TMEM17: variants seen among roughly 807,000 people sequenced by gnomAD.
The protein encoded by TMEM17 is transmembrane protein 17.
TMEM17 carries 15 observed loss-of-function variants against 19.1 expected under a neutral mutation model. The observed-to-expected ratio is 0.78, with a 90% CI of 0.52 to 1.21. The LOEUF is 1.21. TMEM17 is among the 50% of genes most tolerant of loss of function. The probability of loss-of-function intolerance (pLI) is 0.00; values close to 1 mark genes in which losing one functional copy is unlikely to be tolerated. For synonymous variants in TMEM17, 103 were observed against 86.9 expected, an observed-to-expected ratio of 1.19 and a Z score of -1.03; for missense variants, 245 against 242.3, an observed-to-expected ratio of 1.01 and a Z score of -0.07.
the TMEM17 span, among the ~76,000 whole-genome samples, chr2:62,485,156 G>A: frequency 6.6e-6 from 1 of 152,188 alleles, no homozygotes; most frequent in African/African-American, 2.4e-5. Flanking sequence ...GTGCAGGCTG[G>A]TCTTGAACTC....
the TMEM17 span, among the ~76,000 whole-genome samples, chr2:62,455,421 C>T: frequency 6.6e-5 from 10 of 152,186 alleles, no homozygotes; most frequent in Admixed American, 3.3e-4. Flanking sequence ...TTCATAGCTT[C>T]TGTTCTTATA....
chr2:62,505,397 T>C (rs1435387131), intron 1 of TMEM17, among the ~76,000 whole-genome samples: 2 of 152,206 alleles, frequency 1.3e-5, no homozygotes, highest in Admixed American at 6.5e-5. Flanking sequence ...GGGGTGAGTT[T>C]TGTTGAACGC....
At chr2:62,472,766 T>A in the TMEM17 span, among the ~76,000 whole-genome samples, 1 of 152,222 alleles carries the variant, frequency 6.6e-6, no homozygotes, top group South Asian at 2.1e-4. Flanking sequence ...AGAACTATGT[T>A]AGGCATAGTT....
the TMEM17 span, among the ~76,000 whole-genome samples, chr2:62,471,969 AT>A: frequency 1.3e-5 from 2 of 152,244 alleles, no homozygotes; most frequent in African/African-American, 2.4e-5. Flanking sequence ...AAGAACTCAG[AT>A]GCGGAGTCAA....
At chr2:62,505,595 C>T (rs1196858920) in intron 1 of TMEM17, among the ~76,000 whole-genome samples, 1 of 152,198 alleles carries the variant, frequency 6.6e-6, no homozygotes, top group Non-Finnish European at 1.5e-5. Flanking sequence ...ATTGCTTGGG[C>T]TATTCCTCGT....
the TMEM17 span, among the ~76,000 whole-genome samples, chr2:62,458,853 CAA>C: frequency 7.9e-5 from 12 of 152,290 alleles, no homozygotes; most frequent in East Asian, 1.5e-3. Context: ...CCTCTCTAAT[CAA>C]AAGAGTCCCT....
the TMEM17 span, among the ~76,000 whole-genome samples, chr2:62,479,988 A>G: frequency 2.0e-5 from 3 of 151,456 alleles, no homozygotes; most frequent in African/African-American, 2.4e-5. Context: ...AGGAATCTCC[A>G]TACTATTCTG....
downstream of TMEM17, among the ~76,000 whole-genome samples, chr2:62,498,468 G>A (rs1679828105): frequency 6.6e-6 from 1 of 150,962 alleles, no homozygotes. Context: ...TGTAATCCCA[G>A]CACTTTGGGA....
At chr2:62,478,272 A>G in the TMEM17 span, among the ~76,000 whole-genome samples, 2 of 152,196 alleles carry the variant, frequency 1.3e-5, no homozygotes, top group Non-Finnish European at 2.9e-5. Context: ...ATCTCAGTTC[A>G]TGTGACAGGA....
the TMEM17 span, among the ~76,000 whole-genome samples, chr2:62,479,237 C>T: frequency 6.6e-6 from 1 of 152,192 alleles, no homozygotes; most frequent in Non-Finnish European, 1.5e-5. Context: ...CCCTTCTCAG[C>T]CTCTGGTATC....
the TMEM17 span, among the ~76,000 whole-genome samples, chr2:62,479,686 G>C: frequency 6.6e-6 from 1 of 152,042 alleles, no homozygotes; most frequent in Non-Finnish European, 1.5e-5. Flanking sequence ...AGGAGTTCGA[G>C]ACCAGCCTGG....
chr2:62,490,559 A>G, the TMEM17 span, among the ~76,000 whole-genome samples: 1 of 152,154 alleles, frequency 6.6e-6, no homozygotes, highest in African/African-American at 2.4e-5. Flanking sequence ...AACAAGTCTG[A>G]TATCTTTTAA....
the TMEM17 span, among the ~76,000 whole-genome samples, chr2:62,460,630 G>T: frequency 6.6e-6 from 1 of 152,174 alleles, no homozygotes; most frequent in Non-Finnish European, 1.5e-5. Context: ...AGGTTGCTCA[G>T]AGGCTATCAG....
chr2:62,506,012 C>A lies in TMEM17; in HGVS notation c.100+18G>T, dbSNP rs532559836. ...CCTCGGCAGGCCACACCCCCTGCACCGGGCCTCGGTCACTCACCCGGACCC... is the reference window on the plus strand; with the variant it reads ...CCTCGGCAGGCCACACCCCCTGCACAGGGCCTCGGTCACTCACCCGGACCC... On this transcript the variant is annotated intron_variant, in intron 1 of 3. Transcript: ENST00000335390. 1.9e-6 allele frequency: 3 copies of A among 1,599,236 alleles called. No homozygotes were observed. The highest frequency in any genetic ancestry group is 4.5e-5 in the East Asian group (2 of 44,020).
At chr2:62,497,902 C>G (rs1030017549), downstream of TMEM17, among the ~76,000 whole-genome samples, 3 of 152,198 alleles carry the variant, frequency 2.0e-5, no homozygotes, top group Non-Finnish European at 4.4e-5. Context: ...CTCAGTGAAA[C>G]TCATTCAACA....
chr2:62,499,730 T>TA (rs896439939), downstream of TMEM17, among the ~76,000 whole-genome samples: 1 of 152,194 alleles, frequency 6.6e-6, no homozygotes, highest in African/African-American at 2.4e-5. Context: ...GAGCAGTTTT[T>TA]AATGCAGCTA....
At chr2:62,475,689 T>C in the TMEM17 span, among the ~76,000 whole-genome samples, 14 of 152,246 alleles carry the variant, frequency 9.2e-5, no homozygotes, top group Non-Finnish European at 1.9e-4. Context: ...CTCTGGGCAC[T>C]GTATGGGTTC....
At chr2:62,505,609 C>A (rs1282941902) in intron 1 of TMEM17, among the ~76,000 whole-genome samples, 2 of 152,238 alleles carry the variant, frequency 1.3e-5, no homozygotes, top group Non-Finnish European at 2.9e-5. Flanking sequence ...TCCTCGTCAT[C>A]CTGGACAGAA....
chr2:62,485,836 G>A, the TMEM17 span, among the ~76,000 whole-genome samples: 208 of 152,286 alleles, frequency 1.4e-3, 1 homozygote, highest in African/African-American at 4.8e-3. Flanking sequence ...TCAGTGAACG[G>A]TGCTCCTGAA....
Sources: gnomAD v4.1 joint callset for allele counts (sites outside exome capture counted in the v4.1 genomes callset) on GRCh38, gnomAD v4.1.1 for gene constraint, MANE v1.5 for transcripts, NCBI Gene and HGNC (gene_info 2026-07-23, HGNC 2026-07-21) for gene names.